The following CAPN6 variants were observed in gnomAD, a reference collection of about 807,000 sequenced individuals.
CAPN6 encodes the protein calpain-6.
Under a neutral mutation model 46.0 loss-of-function variants are expected in CAPN6, and 16 were observed. That is an observed-to-expected ratio of 0.35 (90% CI 0.24 to 0.53). The LOEUF is 0.53. CAPN6 is among the 20% of genes least tolerant of loss of function. CAPN6 has a pLI of 0.94. For synonymous variants in CAPN6, 206 were observed against 172.8 expected, an observed-to-expected ratio of 1.19 and a Z score of -1.51; for missense variants, 461 against 498.0, an observed-to-expected ratio of 0.93 and a Z score of 0.71.
chrX:111,246,521 C>G lies in CAPN6; in HGVS notation c.*56G>C. 9.9e-7 allele frequency: 1 copy of G among 1,008,547 alleles called. No homozygotes were observed. The highest frequency in any genetic ancestry group is 2.4e-5 in the Admixed American group (1 of 41,949). The allele number at this position is 1,008,547 out of a possible 1,213,427, so 83.1% of individuals were successfully genotyped here. A position where few individuals can be genotyped will look rare whatever the true frequency, so the allele number is the denominator to read the frequency against. On this transcript the variant is annotated 3_prime_UTR_variant, in exon 13 of 13. Coordinates refer to ENST00000324068, the MANE Select transcript of CAPN6 (RefSeq NM_014289.4). ...TGTGAATCTTAACTAAGACCTGGCA[C>G]CTGACGGAAAATAAAAGGGTGGCAC...
intron 1 of CAPN6, among the ~76,000 whole-genome samples, chrX:111,265,790 G>A (rs1205465203): frequency 9.0e-6 from 1 of 111,593 alleles, no homozygotes; most frequent in East Asian, 2.8e-4. Flanking sequence ...TGGACATTCT[G>A]GATAAATGAG....
At chrX:111,252,064 T>C (rs2094980029) in intron 5 of CAPN6, among the ~76,000 whole-genome samples, 1 of 112,140 alleles carries the variant, frequency 8.9e-6, no homozygotes, top group South Asian at 3.7e-4. Context: ...AGGAATAATT[T>C]AGCAGAGGCT....
intron 2 of CAPN6, among the ~76,000 whole-genome samples, chrX:111,257,821 G>A (rs2094985053): frequency 9.0e-6 from 1 of 111,610 alleles, no homozygotes; most frequent in Non-Finnish European, 1.9e-5. Flanking sequence ...TGGCTTAGGA[G>A]CAAGGAGGGA....
At chrX:111,266,221 G>C (rs1490830853) in intron 1 of CAPN6, among the ~76,000 whole-genome samples, 1 of 79,302 alleles carries the variant, frequency 1.3e-5, no homozygotes, top group Non-Finnish European at 2.2e-5. Context: ...GCAACAGAGC[G>C]AGACTCCGTC....
At chrX:111,259,327 A>G (rs1339017465) in intron 2 of CAPN6, among the ~76,000 whole-genome samples, 14 of 112,732 alleles carry the variant, frequency 1.2e-4, no homozygotes, top group Admixed American at 2.8e-4. Context: ...AGGACTACTC[A>G]CATGGGGTGA....
At chrX:111,259,958 C>T (rs1166311812) in intron 2 of CAPN6, among the ~76,000 whole-genome samples, 1 of 111,547 alleles carries the variant, frequency 9.0e-6, no homozygotes, top group Non-Finnish European at 1.9e-5. Flanking sequence ...CACACTGTAA[C>T]TCAGTATAAG....
chrX:111,266,183 G>A (rs1305567907), intron 1 of CAPN6, among the ~76,000 whole-genome samples: 1 of 94,572 alleles, frequency 1.1e-5, no homozygotes, highest in Non-Finnish European at 2.0e-5. Flanking sequence ...GCAGTGAGCC[G>A]AGATCGTGCC....
At chrX:111,268,332 C>T (rs760070129) in intron 1 of CAPN6, among the ~76,000 whole-genome samples, 1 of 112,485 alleles carries the variant, frequency 8.9e-6, no homozygotes, top group Non-Finnish European at 1.9e-5. Flanking sequence ...AGAAACAAAT[C>T]CAAAATATCA....
At position 111,249,071 on chromosome X, in the gene CAPN6, A is replaced by G. The variant is rs1362845528; in HGVS notation, c.1159-14T>C. 8.3e-7 allele frequency: 1 copy of G among 1,208,915 alleles called. No homozygotes were observed. Among genetic ancestry groups the G allele is most frequent in the East Asian group, 3.0e-5 (1 of 33,783 alleles). ...AGTGAAGATGTACTAAGGGAAAGAGACCACCACAGAGGTGAGTTAGCATTC... is the reference window on the plus strand; with the variant it reads ...AGTGAAGATGTACTAAGGGAAAGAGGCCACCACAGAGGTGAGTTAGCATTC... On this transcript the variant is annotated splice_polypyrimidine_tract_variant and intron_variant, in intron 8 of 12. Coordinates refer to ENST00000324068, the MANE Select transcript of CAPN6 (RefSeq NM_014289.4).
Position 111,248,531 on chromosome X carries a change from A to G in CAPN6, c.1484+38T>C, listed in dbSNP as rs370046974. The stretch of plus-strand genomic sequence containing the variant: ...GGGGTTTAGGATTGGAAGTAAAGCA[A>G]AGAACAGGGGTTTGAGGGCTTGCGA... On this transcript the variant is annotated intron_variant, in intron 10 of 12. Transcript: ENST00000324068. 24 of 1,080,438 alleles carry G rather than the reference A, an allele frequency of 2.2e-5. No homozygotes were observed. In the African/African-American group the frequency reaches 4.2e-4, roughly 19 times the overall value. 89.0% of individuals were successfully genotyped at this position (1,080,438 alleles called of 1,213,427 possible).
chrX:111,247,336 G>A (rs774337100), intron 12 of CAPN6, 32 bp downstream of exon 12: 2 of 1,151,282 alleles, frequency 1.7e-6, no homozygotes, highest in African/African-American at 1.8e-5. Context: ...CAAAGTATGA[G>A]CCTTTCTGGC....
At chrX:111,251,516 G>C in intron 6 of CAPN6, 33 bp downstream of exon 6, 4 of 1,119,621 alleles carry the variant, frequency 3.6e-6, no homozygotes, top group Non-Finnish European at 4.9e-6. Context: ...CAGGGCTTTG[G>C]AGATGTAGCT....
Position 111,251,291 on chromosome X carries a change from A to C in CAPN6, c.894-5T>G. On this transcript the variant is annotated splice_polypyrimidine_tract_variant and splice_region_variant and intron_variant, in intron 6 of 12. Transcript: ENST00000324068. ...AGTTGCTGCCACTCTTCAGAACTGA[A>C]AGTAAATAGAAAAAAAAAAAAAAGA... 8.5e-7 allele frequency: 1 copy of C among 1,178,225 alleles called. No homozygotes were observed.
At chrX:111,259,447 A>G (rs1181336922) in intron 2 of CAPN6, among the ~76,000 whole-genome samples, 3 of 112,105 alleles carry the variant, frequency 2.7e-5, no homozygotes, top group Non-Finnish European at 5.6e-5. Flanking sequence ...ACAGAGAGAA[A>G]AGTGTTTCTT....
intron 10 of CAPN6, 77 bp from the exon 11 acceptor site, chrX:111,248,069 C>G (rs1411226902): frequency 1.0e-6 from 1 of 1,001,600 alleles, no homozygotes; most frequent in Non-Finnish European, 1.4e-6. Context: ...AAGCAGACAT[C>G]ATTGCTGAAA....
Position 111,251,301 on chromosome X carries a change from A to G in CAPN6, c.894-15T>C, listed in dbSNP as rs1270833433. On this transcript the variant is annotated splice_polypyrimidine_tract_variant and intron_variant, in intron 6 of 12. Coordinates refer to ENST00000324068, the MANE Select transcript of CAPN6 (RefSeq NM_014289.4). ...ACTCTTCAGAACTGAAAGTAAATAG[A>G]AAAAAAAAAAAAAGATAAATCATTA... 7.4e-6 allele frequency: 3 copies of G among 402,808 alleles called. No homozygotes were observed. Among genetic ancestry groups the G allele is most frequent in the Admixed American group, 5.6e-5 (1 of 18,002 alleles). 33.2% of individuals were successfully genotyped at this position (402,808 alleles called of 1,213,427 possible).
At chrX:111,257,366 A>G (rs984712868) in intron 2 of CAPN6, among the ~76,000 whole-genome samples, 30 of 112,211 alleles carry the variant, frequency 2.7e-4, no homozygotes, top group African/African-American at 9.1e-4. Flanking sequence ...AATATCACTA[A>G]TAGGCGTTAG....
Position 111,251,569 on chromosome X carries a change from C to A in CAPN6, c.873G>T (p.Trp291Cys), listed in dbSNP as rs777987075. Reference protein sequence around the residue: ...RLRNPLGRQEWSGPWSEISEE... With the variant: ...RLRNPLGRQECSGPWSEISEE... Reference sequence around the variant, plus strand: ...CTCACATTTCACTCCAGGGGCCACTCCATTCCTGTCTTCCCAAGGGGTTTC... The same window carrying A: ...CTCACATTTCACTCCAGGGGCCACTACATTCCTGTCTTCCCAAGGGGTTTC... Residue 291 changes from tryptophan (W) to cysteine (C), a missense_variant, in exon 6 of 13, where the codon TGG (tryptophan) becomes TGT (cysteine). Physicochemically the swap from Trp to Cys is radical, Grantham distance 215. Transcript: ENST00000324068. 1.7e-6 allele frequency: 2 copies of A among 1,205,915 alleles called. No individual in the cohort carries two copies. The highest frequency in any genetic ancestry group is 3.5e-5 in the African/African-American group (2 of 56,941).
At chrX:111,270,315 A>G (rs1392014906) in intron 1 of CAPN6, 56 bp downstream of exon 1, 1 of 276,488 alleles carries the variant, frequency 3.6e-6, no homozygotes, top group Admixed American at 3.7e-5. Context: ...CTTAGACGCT[A>G]AGTTATCCAG....
Sources: allele counts gnomAD v4.1 joint callset (sites outside exome capture counted in the v4.1 genomes callset), GRCh38; gene constraint gnomAD v4.1.1; transcripts MANE v1.5; gene names NCBI Gene and HGNC (gene_info 2026-07-23, HGNC 2026-07-21).